The following ZFHX3 variants were observed in gnomAD, a reference collection of about 807,000 sequenced individuals.
ZFHX3 encodes the protein zinc finger homeobox protein 3.
ZFHX3 carries 42 observed loss-of-function variants against 279.1 expected under a neutral mutation model. That is an observed-to-expected ratio of 0.15 (90% CI 0.12 to 0.19). The LOEUF (loss-of-function observed/expected upper bound fraction) is 0.19, where lower values mean the gene tolerates loss of function less well. ZFHX3 is among the 10% of genes least tolerant of loss of function. The pLI, the probability that ZFHX3 is intolerant of heterozygous loss-of-function variation, is 1.00. For missense variants in ZFHX3, 4,981 were observed against 4,754.0 expected, an observed-to-expected ratio of 1.05 and a Z score of -1.40; for synonymous variants, 2,293 against 1,957.8, an observed-to-expected ratio of 1.17 and a Z score of -4.52.
rs148058956 is a variant in ZFHX3, at chr16:73,399,837, G to GT, written c.-1291+56165_-1291+56166insA. Among the ~76,000 whole-genome samples the GT allele has an allele frequency of 3.4e-4, 51 of 148,284 alleles. No individual in the cohort carries two copies. The Middle Eastern group carries it at 0.017, about 51-fold the overall frequency. ...GTGTGGTGTGTGGAGTGTGGTGTGTGGTGTGTGTGTGTGTGTGTGTGTGTG... is the reference window on the plus strand; with the variant it reads ...GTGTGGTGTGTGGAGTGTGGTGTGTGTGTGTGTGTGTGTGTGTGTGTGTGTG... On this transcript the variant is annotated intron_variant, in intron 3 of 17. Transcript: ENST00000641206.
At chr16:73,449,623 G>A (rs1487958566) in intron 3 of ZFHX3, among the ~76,000 whole-genome samples, 1 of 152,062 alleles carries the variant, frequency 6.6e-6, no homozygotes, top group African/African-American at 2.4e-5. Context: ...TAATATAGAA[G>A]TATAAAATAT....
At chr16:73,605,108 T>C (rs1292067998) in intron 2 of ZFHX3, among the ~76,000 whole-genome samples, 1 of 152,140 alleles carries the variant, frequency 6.6e-6, no homozygotes, top group African/African-American at 2.4e-5. Context: ...AAAAAAGGAA[T>C]GATTTAGGCC....
intron 1 of ZFHX3, among the ~76,000 whole-genome samples, chr16:73,821,000 C>T (rs1359199176): frequency 6.6e-6 from 1 of 152,048 alleles, no homozygotes; most frequent in East Asian, 1.9e-4. Flanking sequence ...CTATTATTAT[C>T]CCCCTTGACA....
At chr16:73,310,764 C>T (rs1342535688) in intron 4 of ZFHX3, among the ~76,000 whole-genome samples, 2 of 151,996 alleles carry the variant, frequency 1.3e-5, no homozygotes, top group Non-Finnish European at 2.9e-5. Flanking sequence ...ATAAAAGAAT[C>T]GTTAAAAATT....
intron 2 of ZFHX3, among the ~76,000 whole-genome samples, chr16:73,539,287 C>T (rs1415774907): frequency 6.6e-6 from 1 of 151,846 alleles, no homozygotes; most frequent in Non-Finnish European, 1.5e-5. Context: ...GTCCAGAATT[C>T]GATTCCACAT....
At chr16:72,960,538 G>T (rs188520346) in intron 1 of ZFHX3, among the ~76,000 whole-genome samples, 1 of 152,098 alleles carries the variant, frequency 6.6e-6, no homozygotes, top group African/African-American at 2.4e-5. Flanking sequence ...AGTGGAGAAC[G>T]GACGCGTCAT....
chr16:72,946,785 A>C (rs1247253827), intron 3 of ZFHX3, among the ~76,000 whole-genome samples: 2 of 152,336 alleles, frequency 1.3e-5, no homozygotes, highest in East Asian at 3.9e-4. Flanking sequence ...GGGCACCCAC[A>C]TCTCTACGGG....
chr16:73,666,706 C>A (rs886731846), intron 2 of ZFHX3, among the ~76,000 whole-genome samples: 1 of 151,934 alleles, frequency 6.6e-6, no homozygotes, highest in African/African-American at 2.4e-5. Flanking sequence ...GCCACCACCA[C>A]TACAACCGAG....
chr16:72,890,551 A>G (rs1597351081), intron 3 of ZFHX3, among the ~76,000 whole-genome samples: 1 of 151,616 alleles, frequency 6.6e-6, no homozygotes, highest in Non-Finnish European at 1.5e-5. Context: ...CAGTTCTTTG[A>G]AAAAACACAG....
rs143842715 is a variant in ZFHX3, at chr16:73,026,182, A to C, written c.-50+21570T>G. On this transcript the variant is annotated intron_variant, in intron 1 of 9. Coordinates refer to ENST00000268489, the MANE Select transcript of ZFHX3 (RefSeq NM_006885.4). ...GCCAACATGGCAAAACCCCATCTCT[A>C]CAAAAAATACAAAAAAAAAAAAAAA... Among the ~76,000 whole-genome samples, 649 of 101,664 alleles carry C rather than the reference A, an allele frequency of 6.4e-3. 8 individuals carry two copies. Among genetic ancestry groups the C allele is most frequent in the African/African-American group, 0.027 (614 of 22,930 alleles). The allele number at this position is 101,664 out of a possible 152,430, so 66.7% of individuals were successfully genotyped here.
rs1966352382 is a variant in ZFHX3, at chr16:73,109,976, C to T, written c.-896-16378G>A. Among the ~76,000 whole-genome samples, 3 of 152,196 alleles carry T rather than the reference C, an allele frequency of 2.0e-5. No homozygotes were observed. In the South Asian group the frequency reaches 6.2e-4, roughly 32 times the overall value. ...TTCATTTGGGCGGGGCGCAGTGGCT[C>T]ATGCCTGTAATCCCAGCACTTTGGG... On this transcript the variant is annotated intron_variant, in intron 7 of 17. Coordinates refer to the ZFHX3 transcript ENST00000641206.
chr16:73,417,443 T>C (rs1383269012), intron 3 of ZFHX3, among the ~76,000 whole-genome samples: 1 of 140,100 alleles, frequency 7.1e-6, no homozygotes, highest in East Asian at 2.2e-4. Context: ...TGTCGCCCAG[T>C]TTGTCTTCAA....
intron 1 of ZFHX3, among the ~76,000 whole-genome samples, chr16:73,037,127 G>A (rs1047688414): frequency 3.3e-5 from 5 of 152,090 alleles, no homozygotes; most frequent in African/African-American, 4.8e-5. Context: ...ATCACAACCC[G>A]ACTATTAAAA....
intron 2 of ZFHX3, among the ~76,000 whole-genome samples, chr16:73,568,852 A>G (rs958388100): frequency 2.2e-4 from 33 of 152,030 alleles, no homozygotes; most frequent in African/African-American, 7.7e-4. Flanking sequence ...ATTCTGGGCC[A>G]CTCTCCATGC....
chr16:73,768,210 C>T (rs1597105366), intron 1 of ZFHX3, among the ~76,000 whole-genome samples: 2 of 152,182 alleles, frequency 1.3e-5, no homozygotes, highest in Non-Finnish European at 2.9e-5. Flanking sequence ...AGTTCAATCC[C>T]TTGATGGGAC....
At chr16:73,164,756 A>C (rs2144859669) in intron 5 of ZFHX3, among the ~76,000 whole-genome samples, 1 of 152,230 alleles carries the variant, frequency 6.6e-6, no homozygotes, top group African/African-American at 2.4e-5. Context: ...GCTATTGCCA[A>C]CACTTCCTGA....
intron 5 of ZFHX3, among the ~76,000 whole-genome samples, chr16:72,827,694 C>T (rs958316902): frequency 3.3e-5 from 5 of 152,248 alleles, no homozygotes; most frequent in African/African-American, 1.2e-4. Context: ...TCCCCCACTA[C>T]ATTCAGGGCC....
chr16:73,539,721 C>G (rs1041208069), intron 2 of ZFHX3, among the ~76,000 whole-genome samples: 1 of 152,074 alleles, frequency 6.6e-6, no homozygotes, highest in South Asian at 2.1e-4. Flanking sequence ...ACCGCCTGCC[C>G]GTGTAGGTCC....
intron 3 of ZFHX3, among the ~76,000 whole-genome samples, chr16:72,919,312 C>T (rs529867942): frequency 6.6e-6 from 1 of 152,120 alleles, no homozygotes; most frequent in African/African-American, 2.4e-5. Flanking sequence ...GCGTGCACCA[C>T]CACACCTGGC....
Sources: allele counts gnomAD v4.1 joint callset (sites outside exome capture counted in the v4.1 genomes callset), GRCh38; gene constraint gnomAD v4.1.1; transcripts MANE v1.5; gene names NCBI Gene and HGNC (gene_info 2026-07-23, HGNC 2026-07-21).